RIN3: variants seen among roughly 807,000 people sequenced by gnomAD.
RIN3 encodes the protein RAB5 interacting protein 3.
Under a neutral mutation model 76.3 loss-of-function variants are expected in RIN3, and 54 were observed. That is an observed-to-expected ratio of 0.71 (90% confidence interval 0.57 to 0.89). The LOEUF (loss-of-function observed/expected upper bound fraction) is 0.89. Among genes scored for constraint, RIN3 ranks in the 40% least tolerant of loss-of-function variants. The probability of loss-of-function intolerance (pLI) is 0.00; values close to 1 mark genes in which losing one functional copy is unlikely to be tolerated. For synonymous variants in RIN3, 576 were observed against 564.0 expected (o/e 1.02, Z -0.30); for missense variants, 1,256 against 1,322.1 (o/e 0.95, Z 0.78).
At position 92,652,038 on chromosome 14, in the gene RIN3, C is replaced by T. The variant is rs767768159; in HGVS notation, c.989C>T (p.Pro330Leu). Residue 330 changes from proline (P) to leucine (L), a missense_variant, in exon 6 of 10, where the codon CCA becomes CTA. Pro to Leu is a moderately conservative substitution (Grantham distance 98, BLOSUM62 -3). This residue lies in a region of RIN3 where 610 missense variants were observed against 626.4 expected (regional missense o/e 0.97). Transcript: ENST00000216487. This position sits in a 1 kb window ranked among gnomAD's most constrained non-coding sequence, Gnocchi z 6.4. ...GTCACACCCCATGCCCCAGGTCCCC[C>T]AGACCATCCGAACCAGCCGCCCATG... ...PHVTPHAPGP[P>L]DHPNQPPMMT... is the part of the protein sequence containing the mutation. 3.1e-6 allele frequency: 5 copies of T among 1,601,940 alleles called. No homozygotes were observed. The South Asian group carries it at 4.4e-5, about 14-fold the overall frequency.
intron 8 of RIN3, among the ~76,000 whole-genome samples, chr14:92,683,478 G>A (rs947122202): frequency 1.3e-5 from 2 of 152,192 alleles, no homozygotes; most frequent in Admixed American, 1.3e-4. Flanking sequence ...TGTAAGCATC[G>A]TGTAAAATAT....
chr14:92,608,617 C>A (rs1885614228), intron 3 of RIN3, among the ~76,000 whole-genome samples: 2 of 152,144 alleles, frequency 1.3e-5, no homozygotes. Flanking sequence ...TCACTACAAC[C>A]TCTGTCTCCT....
At chr14:92,654,620 C>T (rs1263581003) in intron 6 of RIN3, among the ~76,000 whole-genome samples, 2 of 152,188 alleles carry the variant, frequency 1.3e-5, no homozygotes, top group Non-Finnish European at 1.5e-5. Flanking sequence ...CTCCTGAAAA[C>T]GAATAGGTTT....
chr14:92,622,045 C>T (rs1435082476), intron 4 of RIN3, among the ~76,000 whole-genome samples: 5 of 152,222 alleles, frequency 3.3e-5, no homozygotes, highest in East Asian at 1.9e-4. Context: ...ATTAACCAGG[C>T]TCCTTGCTCA....
rs567523494 is a variant in RIN3, at chr14:92,537,736, C to T, written c.45-18015C>T. Among the ~76,000 whole-genome samples the T allele has an allele frequency of 4.6e-5, 7 of 151,038 alleles. No individual in the cohort carries two copies. In the East Asian group the frequency reaches 1.4e-3, roughly 29 times the overall value. On this transcript the variant is annotated intron_variant, in intron 1 of 9. Transcript: ENST00000216487. ...CTTGGCTCACTGCAGCCTCTGCCCCCCCGCCACCAGGTTCCAGCGATTCTC... is the reference window on the plus strand; with the variant it reads ...CTTGGCTCACTGCAGCCTCTGCCCCTCCGCCACCAGGTTCCAGCGATTCTC...
At chr14:92,534,239 A>ATT (rs34391787) in intron 1 of RIN3, among the ~76,000 whole-genome samples, 169 of 126,578 alleles carry the variant, frequency 1.3e-3, no homozygotes, top group Middle Eastern at 4.1e-3. Context: ...GAGTCATGTC[A>ATT]TTTTTTTTTT....
Position 92,612,286 on chromosome 14 carries a change from C to G in RIN3, c.368-3121C>G, listed in dbSNP as rs562392745. ...GGAACCCACAGGCAAGACACCCGGCCGGTGCAGTACAGGACAGGGGGCAGT... is the reference window on the plus strand; with the variant it reads ...GGAACCCACAGGCAAGACACCCGGCGGGTGCAGTACAGGACAGGGGGCAGT... On this transcript the variant is annotated intron_variant, in intron 3 of 9. Coordinates refer to ENST00000216487, the MANE Select transcript of RIN3 (RefSeq NM_024832.5). 2.8e-5 allele frequency among the ~76,000 whole-genome samples: 4 copies of G among 145,420 alleles called. No individual in the cohort carries two copies. The East Asian group carries it at 8.3e-4, about 30-fold the overall frequency.
chr14:92,670,676 C>T (rs1245868110), intron 7 of RIN3, among the ~76,000 whole-genome samples: 2 of 152,172 alleles, frequency 1.3e-5, no homozygotes, highest in African/African-American at 4.8e-5. Context: ...TGCTATTGAC[C>T]AGCTGCAGGG....
chr14:92,633,929 A>AT (rs1019307033), intron 4 of RIN3, among the ~76,000 whole-genome samples: 1 of 151,832 alleles, frequency 6.6e-6, no homozygotes, highest in African/African-American at 2.4e-5. Flanking sequence ...TGTCAAAAGT[A>AT]TTTCTCTCTG....
intron 1 of RIN3, among the ~76,000 whole-genome samples, chr14:92,548,955 T>A (rs2140027383): frequency 6.6e-6 from 1 of 152,228 alleles, no homozygotes; most frequent in South Asian, 2.1e-4. Flanking sequence ...TGGTGTGGAC[T>A]ATGAATACAT....
At chr14:92,672,541 A>G (rs1223100274) in intron 7 of RIN3, among the ~76,000 whole-genome samples, 1 of 152,220 alleles carries the variant, frequency 6.6e-6, no homozygotes, top group East Asian at 1.9e-4. Flanking sequence ...GGTCGGCTGA[A>G]TGTGACCCTG....
At chr14:92,557,023 C>T (rs1019427677) in intron 2 of RIN3, among the ~76,000 whole-genome samples, 1 of 152,212 alleles carries the variant, frequency 6.6e-6, no homozygotes, top group East Asian at 1.9e-4. Context: ...TACACTCCCT[C>T]CCCCTTCTCC....
chr14:92,641,736 C>T (rs1270075058), intron 5 of RIN3, among the ~76,000 whole-genome samples: 1 of 152,210 alleles, frequency 6.6e-6, no homozygotes, highest in Non-Finnish European at 1.5e-5. Context: ...TTGAGTGTGG[C>T]CCTTGCGGGT....
At chr14:92,544,414 T>TGGGGGGGGGGGGGGGGGGGGGGGGGGGG (rs71123353) in intron 1 of RIN3, among the ~76,000 whole-genome samples, 2 of 74,558 alleles carry the variant, frequency 2.7e-5, no homozygotes, top group Admixed American at 3.8e-4. Context: ...GTGACAGCTG[T>TGGGGGGGGGGGGGGGGGGGGGGGGGGGG]GGGGGGGGGG....
At chr14:92,583,692 C>T (rs536364450) in intron 3 of RIN3, among the ~76,000 whole-genome samples, 30 of 152,232 alleles carry the variant, frequency 2.0e-4, no homozygotes, top group African/African-American at 7.2e-4. Context: ...AGCAGAGCTC[C>T]CCAACGTTTT....
chr14:92,665,616 C>T (rs1405585923), intron 7 of RIN3, among the ~76,000 whole-genome samples: 2 of 152,012 alleles, frequency 1.3e-5, no homozygotes, highest in African/African-American at 4.8e-5. Context: ...CTCCTGACCT[C>T]ATGATCCACC....
intron 3 of RIN3, among the ~76,000 whole-genome samples, chr14:92,611,276 A>T: frequency 7.2e-6 from 1 of 139,232 alleles, no homozygotes; most frequent in Non-Finnish European, 1.6e-5. Context: ...TCTGTGTCCC[A>T]TGCCCTCACA....
chr14:92,681,202 A>G lies in RIN3; in HGVS notation c.2468-3785A>G, dbSNP rs1356158726. On this transcript the variant is annotated intron_variant, in intron 8 of 9. Coordinates refer to ENST00000216487, the MANE Select transcript of RIN3 (RefSeq NM_024832.5). The surrounding 1 kb of genome is among the most constrained non-coding windows in gnomAD (Gnocchi z 4.7). ...TTTTTCCAATCAACGCATTCGCCCCAGAGAGAAAAGCCTGCTCCAGAACTC... is the reference window on the plus strand; with the variant it reads ...TTTTTCCAATCAACGCATTCGCCCCGGAGAGAAAAGCCTGCTCCAGAACTC... Among the ~76,000 whole-genome samples, 2 of 152,164 alleles carry G rather than the reference A, an allele frequency of 1.3e-5. No individual in the cohort carries two copies. The highest frequency in any genetic ancestry group is 2.4e-5 in the African/African-American group (1 of 41,440).
chr14:92,643,217 C>G lies in RIN3; in HGVS notation c.532+1888C>G, dbSNP rs1333962324. ...TACAGGCGCATGCCACCACACCTGG[C>G]TAATTTTTGTATTTTTAGTAGAGAC... On this transcript the variant is annotated intron_variant, in intron 5 of 9. Coordinates refer to ENST00000216487, the MANE Select transcript of RIN3 (RefSeq NM_024832.5). The surrounding 1 kb of genome is among the most constrained non-coding windows in gnomAD (Gnocchi z 4.8). 6.6e-6 allele frequency among the ~76,000 whole-genome samples: 1 copy of G among 152,170 alleles called. No homozygotes were observed. The highest frequency in any genetic ancestry group is 2.4e-5 in the African/African-American group (1 of 41,440).
Sources: allele counts gnomAD v4.1 joint callset (sites outside exome capture counted in the v4.1 genomes callset), GRCh38; gene constraint gnomAD v4.1.1; regional missense constraint gnomAD v4.1.1; non-coding constraint Gnocchi (gnomAD v3.1); transcripts MANE v1.5; gene names NCBI Gene and HGNC (gene_info 2026-07-23, HGNC 2026-07-21).